EPS8: variants seen among roughly 807,000 people sequenced by gnomAD.
EPS8 encodes the protein EGFR pathway substrate 8, signaling adaptor.
A neutral mutation model predicts 103.8 loss-of-function variants in EPS8; 42 were observed. That is an observed-to-expected ratio of 0.40 (90% CI 0.32 to 0.52). EPS8 has a LOEUF of 0.52. EPS8 is among the 20% of genes least tolerant of loss of function. The probability of loss-of-function intolerance (pLI) is 0.40; values close to 1 mark genes in which losing one functional copy is unlikely to be tolerated. For missense variants in EPS8, 969 were observed against 1,005.1 expected (o/e 0.96, Z 0.49); for synonymous variants, 344 against 344.6 (o/e 1.00, Z 0.02).
At position 15,777,652 on chromosome 12, in the gene EPS8, T is replaced by G. The variant is rs1437614310; in HGVS notation, c.-22+11509A>C. 6.6e-6 allele frequency among the ~76,000 whole-genome samples: 1 copy of G among 152,222 alleles called. No individual in the cohort carries two copies. The highest frequency in any genetic ancestry group is 1.9e-4 in the East Asian group (1 of 5,194). ...ATCTCACCAGGCAGTGAGAAAGAGT[T>G]AGAATAGTAATTGGAAAGCTATCAA... On this transcript the variant is annotated intron_variant, in intron 1 of 20. Transcript: ENST00000281172. The surrounding 1 kb of genome is among the most constrained non-coding windows in gnomAD (Gnocchi z 4.7).
chr12:15,676,216 C>A (rs1041035075), intron 3 of EPS8, among the ~76,000 whole-genome samples: 1 of 145,046 alleles, frequency 6.9e-6, no homozygotes, highest in African/African-American at 2.6e-5. Context: ...GCCGAGATTG[C>A]GCCACTGCAC....
rs911245712 is a variant in EPS8, at chr12:15,734,510, C to T, written c.-21-51538G>A. 3.9e-5 allele frequency among the ~76,000 whole-genome samples: 6 copies of T among 151,916 alleles called. No individual in the cohort carries two copies. Among genetic ancestry groups the T allele is most frequent in the African/African-American group, 1.2e-4 (5 of 41,354 alleles). ...GAGATCGAGACCATCCTGGCTAACA[C>T]GGTGAAACCCCGTCTCTACTAAAAA... On this transcript the variant is annotated intron_variant, in intron 1 of 20. Transcript: ENST00000281172. The surrounding 1 kb of genome is among the most constrained non-coding windows in gnomAD (Gnocchi z 4.1).
Position 15,732,855 on chromosome 12 carries a change from GAA to G in EPS8, c.-21-49885_-21-49884del, listed in dbSNP as rs200234397. The G allele has an allele frequency of 4.8e-3, 2,374 of 493,078 alleles. 42 individuals are homozygous for G. The highest frequency in any genetic ancestry group is 0.039 in the African/African-American group (1,870 of 47,890). 30.5% of individuals were successfully genotyped at this position (493,078 alleles called of 1,614,324 possible). On this transcript the variant is annotated intron_variant, in intron 1 of 20. Coordinates refer to ENST00000281172, the MANE Select transcript of EPS8 (RefSeq NM_004447.6). ...TGTTGTTAATCATTGTTAAGGCTTT[GAA>G]TACAGCCACCTCGGTCATTATGCAA...
chr12:15,652,608 GATCT>G (rs1200418812), intron 13 of EPS8, among the ~76,000 whole-genome samples: 1 of 151,866 alleles, frequency 6.6e-6, no homozygotes, highest in African/African-American at 2.4e-5. Context: ...AAAATAAAAA[GATCT>G]ATTTAACCAG....
intron 1 of EPS8, among the ~76,000 whole-genome samples, chr12:15,710,897 C>A (rs938704684): frequency 1.8e-4 from 27 of 152,136 alleles, no homozygotes; most frequent in African/African-American, 6.3e-4. Flanking sequence ...CTAAGACAGT[C>A]TCACTCTGTC....
At position 15,752,105 on chromosome 12, in the gene EPS8, T is replaced by C. The variant is rs1946938727; in HGVS notation, c.-22+37056A>G. On this transcript the variant is annotated intron_variant, in intron 1 of 20. Coordinates refer to ENST00000281172, the MANE Select transcript of EPS8 (RefSeq NM_004447.6). This position sits in a 1 kb window ranked among gnomAD's most constrained non-coding sequence, Gnocchi z 4.4. Reference sequence around the variant, plus strand: ...GAGACACAAAGTTAATACAGAATCATTAGCAATGGTACTTGATATCAAGAA... The same window carrying C: ...GAGACACAAAGTTAATACAGAATCACTAGCAATGGTACTTGATATCAAGAA... Among the ~76,000 whole-genome samples, 1 of 152,116 alleles carries C rather than the reference T, an allele frequency of 6.6e-6. No homozygotes were observed. Among genetic ancestry groups the C allele is most frequent in the Non-Finnish European group, 1.5e-5 (1 of 68,014 alleles).
rs1946900281 is a variant in EPS8 at position 15,748,766 on chromosome 12, C to CT, written c.-22+40394dup. Among the ~76,000 whole-genome samples the CT allele has an allele frequency of 6.6e-6, 1 of 152,120 alleles. No homozygotes were observed. The highest frequency in any genetic ancestry group is 1.5e-5 in the Non-Finnish European group (1 of 68,008). ...ATATCCAATGTATAACAGATCTAAG[C>CT]TTTTTCTCTTTTATTCACATATCCT... is the stretch of plus-strand genomic sequence containing the variant. On this transcript the variant is annotated intron_variant, in intron 1 of 20. Coordinates refer to ENST00000281172, the MANE Select transcript of EPS8 (RefSeq NM_004447.6). This position sits in a 1 kb window ranked among gnomAD's most constrained non-coding sequence, Gnocchi z 4.8.
Position 15,647,266 on chromosome 12 carries a change from A to C in EPS8, c.1435-6T>G. 6.2e-7 allele frequency: 1 copy of C among 1,610,134 alleles called. No homozygotes were observed. The highest frequency in any genetic ancestry group is 1.1e-5 in the South Asian group (1 of 90,266). ...TACTCTGATACACTGGAATGCTGAA[A>C]GACAAAGTGGGGCAGATTAAAGAAT... On this transcript the variant is annotated splice_polypyrimidine_tract_variant and splice_region_variant and intron_variant, in intron 14 of 20. Transcript: ENST00000281172.
At chr12:15,724,441 T>C (rs574940190) in intron 1 of EPS8, among the ~76,000 whole-genome samples, 1 of 152,138 alleles carries the variant, frequency 6.6e-6, no homozygotes, top group Non-Finnish European at 1.5e-5. Context: ...ACATACGATA[T>C]ACATATGCAT....
rs1170616694 is a variant in EPS8, at chr12:15,716,244, C to G, written c.-21-33272G>C. 6.6e-6 allele frequency among the ~76,000 whole-genome samples: 1 copy of G among 151,960 alleles called. No individual in the cohort carries two copies. The highest frequency in any genetic ancestry group is 1.5e-5 in the Non-Finnish European group (1 of 67,994). ...GTTGCTGCTTGGAAACAGACAGTTT[C>G]CTAATAGTAAGTTAACAGGTACAGT... On this transcript the variant is annotated intron_variant, in intron 1 of 20. Transcript: ENST00000281172. This position sits in a 1 kb window ranked among gnomAD's most constrained non-coding sequence, Gnocchi z 5.0.
rs1348666798 is a variant in EPS8, at chr12:15,702,990, A to G, written c.-21-20018T>C. Reference sequence around the variant, plus strand: ...ATAGTGAAACCCCATCTCCACTAAAAATACAAAAATTAGCTGGGTGCAGTG... The same window carrying G: ...ATAGTGAAACCCCATCTCCACTAAAGATACAAAAATTAGCTGGGTGCAGTG... On this transcript the variant is annotated intron_variant, in intron 1 of 20. Transcript: ENST00000281172. This position sits in a 1 kb window ranked among gnomAD's most constrained non-coding sequence, Gnocchi z 5.1. 6.6e-6 allele frequency among the ~76,000 whole-genome samples: 1 copy of G among 152,088 alleles called. No homozygotes were observed. The highest frequency in any genetic ancestry group is 1.5e-5 in the Non-Finnish European group (1 of 68,006).
rs138561422 is a variant in EPS8 at position 15,643,720 on chromosome 12, C to T, written c.1569-1890G>A. On this transcript the variant is annotated intron_variant, in intron 15 of 20. Transcript: ENST00000281172. ...TGCCATTGCACTCCAGCCTGGGCGA[C>T]AAGAGCAAAACTCTGTCTCGAAAAA... Among the ~76,000 whole-genome samples the T allele has an allele frequency of 8.8e-3, 938 of 106,764 alleles. 11 individuals carry two copies. The highest frequency in any genetic ancestry group is 0.033 in the African/African-American group (840 of 25,614). The allele number at this position is 106,764 out of a possible 152,430, so 70.0% of individuals were successfully genotyped here.
rs576301553 is a variant in EPS8, at chr12:15,755,900, G to A, written c.-22+33261C>T. Among the ~76,000 whole-genome samples, 7 of 151,768 alleles carry A rather than the reference G, an allele frequency of 4.6e-5. No homozygotes were observed. In the East Asian group the frequency reaches 7.7e-4, roughly 17 times the overall value. On this transcript the variant is annotated intron_variant, in intron 1 of 20. Coordinates refer to ENST00000281172, the MANE Select transcript of EPS8 (RefSeq NM_004447.6). ...AGTTAAACATACAGAGCTTCCTATC[G>A]CAACTTGCCTCTCAGAATTGTACAC...
At position 15,704,377 on chromosome 12, in the gene EPS8, G is replaced by A. The variant is rs1021960354; in HGVS notation, c.-21-21405C>T. 2.0e-5 allele frequency among the ~76,000 whole-genome samples: 3 copies of A among 152,012 alleles called. No homozygotes were observed. Among genetic ancestry groups the A allele is most frequent in the African/African-American group, 7.2e-5 (3 of 41,382 alleles). ...GTAAAATATCATACATCTACATAAG[G>A]GAATTATTTATCCTTTAAAAGGAAA... is the stretch of plus-strand genomic sequence containing the variant. On this transcript the variant is annotated intron_variant, in intron 1 of 20. Transcript: ENST00000281172. This position sits in a 1 kb window ranked among gnomAD's most constrained non-coding sequence, Gnocchi z 4.6.
At chr12:15,782,678 T>C (rs1947272075) in intron 1 of EPS8, among the ~76,000 whole-genome samples, 1 of 152,074 alleles carries the variant, frequency 6.6e-6, no homozygotes, top group East Asian at 1.9e-4. Flanking sequence ...AAATTAAAAT[T>C]TATCAAAACT....
Position 15,688,665 on chromosome 12 carries a change from G to A in EPS8, c.-21-5693C>T, listed in dbSNP as rs1290253861. On this transcript the variant is annotated intron_variant, in intron 1 of 20. Transcript: ENST00000281172. This position sits in a 1 kb window ranked among gnomAD's most constrained non-coding sequence, Gnocchi z 5.1. ...TTAGCAGGGGCAGCCGGACTCCAGG[G>A]GAAAACCATTCTCCCTTGTGGCTCC... Among the ~76,000 whole-genome samples, 3 of 151,986 alleles carry A rather than the reference G, an allele frequency of 2.0e-5. No homozygotes were observed. Among genetic ancestry groups the A allele is most frequent in the Admixed American group, 6.6e-5 (1 of 15,252 alleles).
At chr12:15,654,406 A>G (rs1045473174) in intron 12 of EPS8, 113 bp from the exon 13 acceptor site, 10 of 928,610 alleles carry the variant, frequency 1.1e-5, no homozygotes, top group Non-Finnish European at 1.7e-5. Context: ...TAGTCATATT[A>G]ACTTTTGATG....
rs1462210742 is a variant in EPS8 at position 15,658,363 on chromosome 12, C to T, written c.1026+134G>A. ...TAAAATTTGCTGTTTTAACTGAAGGCAAATCAAAACATACACACCCCCACA... is the reference window on the plus strand; with the variant it reads ...TAAAATTTGCTGTTTTAACTGAAGGTAAATCAAAACATACACACCCCCACA... On this transcript the variant is annotated intron_variant, in intron 11 of 20. Transcript: ENST00000281172. 4 of 722,608 alleles carry T rather than the reference C, an allele frequency of 5.5e-6. No individual in the cohort carries two copies. In the East Asian group the frequency reaches 8.1e-5, roughly 15 times the overall value. The allele number at this position is 722,608 out of a possible 1,614,324, so 44.8% of individuals were successfully genotyped here.
chr12:15,682,758 A>G (rs1946029473), intron 2 of EPS8, 135 bp downstream of exon 2: 1 of 597,536 alleles, frequency 1.7e-6, no homozygotes, highest in African/African-American at 2.0e-5. Context: ...GTTGTAACAA[A>G]GATATTACAT....
Sources: gnomAD v4.1 joint callset for allele counts (sites outside exome capture counted in the v4.1 genomes callset) on GRCh38, gnomAD v4.1.1 for gene constraint, Gnocchi (gnomAD v3.1) non-coding constraint, MANE v1.5 for transcripts, NCBI Gene and HGNC (gene_info 2026-07-23, HGNC 2026-07-21) for gene names.